HSPA4: variants seen among roughly 807,000 people sequenced by gnomAD.
HSPA4 encodes heat shock protein family A (Hsp70) member 4, also known as heat shock 70 kDa protein 4.
A neutral mutation model predicts 106.2 loss-of-function variants in HSPA4; 25 were observed. That is an observed-to-expected ratio of 0.24 (90% CI 0.17 to 0.33). HSPA4 has a LOEUF of 0.33. HSPA4 is among the 10% of genes least tolerant of loss of function. The probability of loss-of-function intolerance (pLI) is 1.00; values close to 1 mark genes in which losing one functional copy is unlikely to be tolerated. For missense variants in HSPA4, 841 were observed against 996.0 expected (o/e 0.84, Z 2.10); for synonymous variants, 332 against 333.6 (o/e 1.00, Z 0.05).
At position 133,074,145 on chromosome 5, in the gene HSPA4, T is replaced by C. The variant is rs767041927; in HGVS notation, c.663+19T>C. On this transcript the variant is annotated intron_variant, in intron 6 of 18. Coordinates refer to ENST00000304858, the MANE Select transcript of HSPA4 (RefSeq NM_002154.4). ...ACTGAAAGTAAGTATATATTTTTTTTCCAGAAGACTGTTAGTAGTATGGTA... is the reference window on the plus strand; with the variant it reads ...ACTGAAAGTAAGTATATATTTTTTTCCCAGAAGACTGTTAGTAGTATGGTA... 1.6e-5 allele frequency: 25 copies of C among 1,534,998 alleles called. No homozygotes were observed. Among genetic ancestry groups the C allele is most frequent in the African/African-American group, 2.8e-5 (2 of 71,702 alleles).
chr5:133,089,534 T>C (rs756625115), intron 10 of HSPA4, 28 bp from the exon 11 acceptor site: 6 of 1,607,712 alleles, frequency 3.7e-6, no homozygotes, highest in Admixed American at 1.7e-5. Flanking sequence ...ATCCTGAATT[T>C]GTGTTTTTGT....
At chr5:133,100,977 A>AT (rs1295396239) in intron 16 of HSPA4, among the ~76,000 whole-genome samples, 1 of 151,852 alleles carries the variant, frequency 6.6e-6, no homozygotes, top group East Asian at 1.9e-4. Flanking sequence ...GGCTGTTTTA[A>AT]TTTTTTTTGT....
intron 13 of HSPA4, among the ~76,000 whole-genome samples, chr5:133,095,757 A>G (rs2126714589): frequency 6.6e-6 from 1 of 152,302 alleles, no homozygotes; most frequent in Non-Finnish European, 1.5e-5. Context: ...TGTACCATTC[A>G]GTAGTGTTAA....
At chr5:133,096,075 C>T in intron 13 of HSPA4, 23 bp from the exon 14 acceptor site, 1 of 1,606,312 alleles carries the variant, frequency 6.2e-7, no homozygotes, top group Non-Finnish European at 8.5e-7. Flanking sequence ...TGTGTTTGTT[C>T]TTAATGATTT....
intron 11 of HSPA4, 191 bp from the exon 12 acceptor site, chr5:133,091,002 A>G: frequency 1.5e-6 from 1 of 679,938 alleles, no homozygotes; most frequent in South Asian, 1.5e-5. Flanking sequence ...TAAGATAATA[A>G]GAGACTGTGA....
chr5:133,104,441 A>C lies in HSPA4; in HGVS notation c.*5A>C, dbSNP rs1269079420. 1 of 1,612,030 alleles carries C rather than the reference A, an allele frequency of 6.2e-7. No individual in the cohort carries two copies. Among genetic ancestry groups the C allele is most frequent in the Non-Finnish European group, 8.5e-7 (1 of 1,178,158 alleles). On this transcript the variant is annotated 3_prime_UTR_variant, in exon 19 of 19. Transcript: ENST00000304858. ...CCTGAAATGGACATTGATTGATTCCAACACTTGTTTCTATTAAAACAGACT... is the reference window on the plus strand; with the variant it reads ...CCTGAAATGGACATTGATTGATTCCCACACTTGTTTCTATTAAAACAGACT...
At chr5:133,063,799 G>T (rs1765275059) in intron 1 of HSPA4, among the ~76,000 whole-genome samples, 1 of 146,990 alleles carries the variant, frequency 6.8e-6, no homozygotes, top group Admixed American at 6.8e-5. Context: ...GTCTTGCTCT[G>T]TTGCCAGGCT....
intron 8 of HSPA4, 123 bp downstream of exon 8, chr5:133,086,981 T>C: frequency 1.5e-6 from 1 of 670,034 alleles, no homozygotes. Flanking sequence ...CAGTGGTATA[T>C]ATTAAACTTT....
intron 7 of HSPA4, among the ~76,000 whole-genome samples, chr5:133,083,252 C>T (rs1157059979): frequency 6.6e-6 from 1 of 151,984 alleles, no homozygotes; most frequent in African/African-American, 2.4e-5. Flanking sequence ...GCGGAGGTAG[C>T]AGTGAGCTGA....
chr5:133,102,175 C>T (rs969956042), intron 17 of HSPA4, among the ~76,000 whole-genome samples: 1 of 152,188 alleles, frequency 6.6e-6, no homozygotes, highest in Non-Finnish European at 1.5e-5. Flanking sequence ...GATCCACCTG[C>T]CTTGGCCTCC....
Position 133,092,618 on chromosome 5 carries a change from C to A in HSPA4, c.1561-82C>A, listed in dbSNP as rs562784840. 6.5e-6 allele frequency: 6 copies of A among 921,864 alleles called. No individual in the cohort carries two copies. The East Asian group carries it at 1.0e-4, about 16-fold the overall frequency. The allele number at this position is 921,864 out of a possible 1,614,324, so 57.1% of individuals were successfully genotyped here. A position where few individuals can be genotyped will look rare whatever the true frequency, so the allele number is the denominator to read the frequency against. On this transcript the variant is annotated intron_variant, in intron 12 of 18. Transcript: ENST00000304858. ...ATTGCTGGTAATTCAGCAGGAATTA[C>A]ATAACTATGTGACTTTGTCAATGTG...
intron 8 of HSPA4, among the ~76,000 whole-genome samples, chr5:133,088,087 G>A (rs141816348): frequency 1.4e-3 from 206 of 152,236 alleles, no homozygotes; most frequent in African/African-American, 4.6e-3. Context: ...TGTTTGGTCT[G>A]TTGATGTTTT....
rs1765827245 is a variant in HSPA4 at position 133,104,302 on chromosome 5, C to G, written c.2389C>G (p.Gln797Glu). The G allele has an allele frequency of 3.7e-6, 6 of 1,613,806 alleles. No individual in the cohort carries two copies. The South Asian group carries it at 6.6e-5, about 18-fold the overall frequency. Residue 797 changes from glutamine to glutamate, a missense_variant, in exon 19 of 19, where the codon CAA becomes GAA. Gln to Glu is a conservative substitution (Grantham distance 29). Coordinates refer to ENST00000304858, the MANE Select transcript of HSPA4 (RefSeq NM_002154.4). Reference protein sequence around the residue: ...KPKVEPPKEEQKNAEQNGPVD... With the variant: ...KPKVEPPKEEEKNAEQNGPVD... ...CAAAGTGGAACCTCCAAAAGAGGAA[C>G]AAAAAAATGCAGAGCAGAATGGACC...
Position 133,070,507 on chromosome 5 carries a change from T to A in HSPA4, c.429+11T>A. ...GACTGTGTTGTTTCGGTGAGTTTGATCCCTATACATTATTGGGAATTTGCA... is the reference window on the plus strand; with the variant it reads ...GACTGTGTTGTTTCGGTGAGTTTGAACCCTATACATTATTGGGAATTTGCA... On this transcript the variant is annotated intron_variant, in intron 4 of 18. Transcript: ENST00000304858. The A allele has an allele frequency of 6.2e-7, 1 of 1,613,270 alleles. No homozygotes were observed. The highest frequency in any genetic ancestry group is 8.5e-7 in the Non-Finnish European group (1 of 1,179,548).
At chr5:133,067,660 C>T in intron 3 of HSPA4, 103 bp downstream of exon 3, 3 of 1,001,214 alleles carry the variant, frequency 3.0e-6, no homozygotes, top group East Asian at 2.6e-5. Context: ...AATGAAAATG[C>T]TTACAGTTGC....
chr5:133,056,641 A>T (rs545928959), intron 1 of HSPA4, among the ~76,000 whole-genome samples: 1 of 152,316 alleles, frequency 6.6e-6, no homozygotes, highest in African/African-American at 2.4e-5. Flanking sequence ...TGCTGTTACA[A>T]ATAGTTCTTC....
At chr5:133,093,364 T>G (rs1765673557) in intron 13 of HSPA4, among the ~76,000 whole-genome samples, 1 of 152,202 alleles carries the variant, frequency 6.6e-6, no homozygotes, top group Non-Finnish European at 1.5e-5. Context: ...GGCTAGTGAT[T>G]TATTTATGCT....
At chr5:133,082,450 T>G (rs1187776531) in intron 7 of HSPA4, among the ~76,000 whole-genome samples, 1 of 152,188 alleles carries the variant, frequency 6.6e-6, no homozygotes, top group East Asian at 1.9e-4. Flanking sequence ...TACTTTATTT[T>G]TATCTTTTTA....
chr5:133,074,496 T>C (rs1002301234), intron 6 of HSPA4, among the ~76,000 whole-genome samples: 1 of 152,182 alleles, frequency 6.6e-6, no homozygotes, highest in Non-Finnish European at 1.5e-5. Context: ...CAGGCTGGTC[T>C]CGAACTCCCG....
Sources: allele counts gnomAD v4.1 joint callset (sites outside exome capture counted in the v4.1 genomes callset), GRCh38; gene constraint gnomAD v4.1.1; transcripts MANE v1.5; gene names NCBI Gene and HGNC (gene_info 2026-07-23, HGNC 2026-07-21).